ZC3HAV1L: variants seen among roughly 807,000 people sequenced by gnomAD.
ZC3HAV1L encodes the protein ZC3HAV1 like, also known as zinc finger CCCH-type antiviral protein 1-like.
A neutral mutation model predicts 28.2 loss-of-function variants in ZC3HAV1L; 23 were observed. That is an observed-to-expected ratio of 0.82 (90% CI 0.59 to 1.16). ZC3HAV1L has a LOEUF of 1.16. Ranked by LOEUF, ZC3HAV1L falls within the 50% of genes most tolerant of loss-of-function variation. The pLI, the probability that ZC3HAV1L is intolerant of heterozygous loss-of-function variation, is 0.00. For missense variants in ZC3HAV1L, 376 were observed against 387.7 expected (o/e 0.97, Z 0.25); for synonymous variants, 180 against 163.4 (o/e 1.10, Z -0.78).
intron 2 of ZC3HAV1L, among the ~76,000 whole-genome samples, chr7:139,031,422 T>TAA (rs768553335): frequency 3.9e-4 from 59 of 152,096 alleles, no homozygotes; most frequent in Admixed American, 9.8e-4. Flanking sequence ...CTGTCTCTAC[T>TAA]AAAAACACAA....
At chr7:139,033,941 C>T (rs980367660) in intron 2 of ZC3HAV1L, 2 of 985,374 alleles carry the variant, frequency 2.0e-6, no homozygotes, top group South Asian at 9.4e-5. Context: ...ACAACCGTGA[C>T]ATACCAGACT....
intron 3 of ZC3HAV1L, among the ~76,000 whole-genome samples, chr7:139,027,551 G>A (rs1334205084): frequency 6.6e-6 from 1 of 152,116 alleles, no homozygotes; most frequent in African/African-American, 2.4e-5. Context: ...GGTGGCATGT[G>A]CCTGCAGTCC....
chr7:139,029,105 C>T (rs1283682606), intron 2 of ZC3HAV1L, 145 bp from the exon 3 acceptor site: 2 of 942,394 alleles, frequency 2.1e-6, no homozygotes, highest in Non-Finnish European at 3.1e-6. Context: ...CGCGTTCAAG[C>T]AATTCTCCTG....
intron 3 of ZC3HAV1L, 87 bp from the exon 4 acceptor site, chr7:139,026,920 G>A: frequency 7.0e-7 from 1 of 1,437,638 alleles, no homozygotes; most frequent in Admixed American, 2.1e-5. Context: ...CCAGCCATCA[G>A]ACAAGACTCC....
At chr7:139,028,371 T>TAAA (rs1354763567) in intron 3 of ZC3HAV1L, among the ~76,000 whole-genome samples, 1 of 42,762 alleles carries the variant, frequency 2.3e-5, no homozygotes, top group Non-Finnish European at 5.7e-5. Flanking sequence ...AGACTCTGTC[T>TAAA]CAAAAAAAAA....
chr7:139,022,371 T>C (rs1037177789), downstream of ZC3HAV1L: 14 of 422,864 alleles, frequency 3.3e-5, no homozygotes, highest in African/African-American at 2.1e-4. Flanking sequence ...TAGTGAGACC[T>C]TGTCTCTACT....
Position 139,028,835 on chromosome 7 carries a change from C to A in ZC3HAV1L, c.627G>T (p.Arg209=), listed in dbSNP as rs1815435017. The A allele has an allele frequency of 8.1e-6, 13 of 1,614,154 alleles. No individual in the cohort carries two copies. The highest frequency in any genetic ancestry group is 2.2e-5 in the East Asian group (1 of 44,878). ...ATGCAGCATGGATAAGCTGATGGGA[C>A]CGTTTGCAGGTCTGAAGTTTGCATT... ...KGECKLQTCK[R]SHQLIHAASL... The change falls in exon 3 of 5, where the codon CGG becomes CGT. Residue 209 remains arginine, a synonymous_variant. Transcript: ENST00000275766.
chr7:139,035,598 G>GACGGCCAGGCCC (rs1815683984), intron 1 of ZC3HAV1L, 55 bp downstream of exon 1: 11 of 1,344,928 alleles, frequency 8.2e-6, no homozygotes, highest in Admixed American at 4.1e-5. Flanking sequence ...CTTCCAGCAG[G>GACGGCCAGGCCC]ACGGCCAGGC....
At chr7:139,035,216 GA>G in intron 1 of ZC3HAV1L, 5 of 985,446 alleles carry the variant, frequency 5.1e-6, no homozygotes, top group Non-Finnish European at 6.0e-6. Context: ...AGAGGGCGCA[GA>G]CCCGCTTCTG....
At chr7:139,034,238 G>A (rs1306344462) in intron 2 of ZC3HAV1L, 1 of 911,160 alleles carries the variant, frequency 1.1e-6, no homozygotes, top group Non-Finnish European at 1.3e-6. Context: ...AAGTGGAGGT[G>A]TCTATGATAG....
At chr7:139,023,600 A>G (rs1379210594), downstream of ZC3HAV1L, among the ~76,000 whole-genome samples, 1 of 152,224 alleles carries the variant, frequency 6.6e-6, no homozygotes, top group Admixed American at 6.5e-5. Flanking sequence ...AAAAAGCCAT[A>G]TGATTAGCTT....
intron 2 of ZC3HAV1L, among the ~76,000 whole-genome samples, chr7:139,029,971 G>A (rs116651740): frequency 0.043 from 6,536 of 152,100 alleles, 427 homozygotes; most frequent in African/African-American, 0.15. Context: ...CTGAAACCAC[G>A]CATCAGTCTT....
At chr7:139,032,431 G>A (rs183500837) in intron 2 of ZC3HAV1L, among the ~76,000 whole-genome samples, 19 of 151,780 alleles carry the variant, frequency 1.3e-4, no homozygotes, top group African/African-American at 3.6e-4. Flanking sequence ...TCAGGAGATC[G>A]AGACCATCCT....
At chr7:139,035,495 G>A in intron 1 of ZC3HAV1L, 158 bp downstream of exon 1, 3 of 985,426 alleles carry the variant, frequency 3.0e-6, no homozygotes, top group Non-Finnish European at 3.6e-6. Context: ...GAAGCGCGGG[G>A]GAGGACGCCC....
downstream of ZC3HAV1L, among the ~76,000 whole-genome samples, chr7:139,024,237 A>G (rs566773373): frequency 6.6e-6 from 1 of 152,348 alleles, no homozygotes; most frequent in African/African-American, 2.4e-5. Context: ...AAAATATTTT[A>G]CAGAATGAAT....
At position 139,033,637 on chromosome 7, in the gene ZC3HAV1L, G is replaced by A. The variant is rs572451851; in HGVS notation, c.501+906C>T. 4 of 807,998 alleles carry A rather than the reference G, an allele frequency of 5.0e-6. No individual in the cohort carries two copies. In the East Asian group the frequency reaches 5.0e-4, roughly 101 times the overall value. The allele number at this position is 807,998 out of a possible 1,614,324, so 50.1% of individuals were successfully genotyped here. A position where few individuals can be genotyped will look rare whatever the true frequency, so the allele number is the denominator to read the frequency against. On this transcript the variant is annotated intron_variant, in intron 2 of 4. Coordinates refer to ENST00000275766, the MANE Select transcript of ZC3HAV1L (RefSeq NM_080660.4). ...CATCAGCTGCTCACAAAACACTGAA[G>A]TAGTCTAATATGACAAGGTGAGGCT...
chr7:139,031,944 G>A (rs1388128266), intron 2 of ZC3HAV1L, among the ~76,000 whole-genome samples: 1 of 151,766 alleles, frequency 6.6e-6, no homozygotes, highest in African/African-American at 2.4e-5. Flanking sequence ...GTGCGGTGGT[G>A]TACACCTGCA....
downstream of ZC3HAV1L, among the ~76,000 whole-genome samples, chr7:139,023,182 G>GAAAAAAAAAAAAAA (rs565321825): frequency 5.8e-5 from 6 of 103,118 alleles, 1 homozygote; most frequent in Non-Finnish European, 1.1e-4. Flanking sequence ...AAGGAAAAAA[G>GAAAAAAAAAAAAAA]AAAAAAAAAA....
At chr7:139,033,817 T>C (rs1452614511) in intron 2 of ZC3HAV1L, 2 of 985,344 alleles carry the variant, frequency 2.0e-6, no homozygotes, top group Non-Finnish European at 2.4e-6. Flanking sequence ...CAGGAAGGAC[T>C]GGACCCAGCC....
Sources: gnomAD v4.1 joint callset for allele counts (sites outside exome capture counted in the v4.1 genomes callset) on GRCh38, gnomAD v4.1.1 for gene constraint, MANE v1.5 for transcripts, NCBI Gene and HGNC (gene_info 2026-07-23, HGNC 2026-07-21) for gene names.